PAK5: variants seen among roughly 807,000 people sequenced by gnomAD.
The protein encoded by PAK5 is p21 (RAC1) activated kinase 5, also known as serine/threonine-protein kinase PAK 5.
A neutral mutation model predicts 65.9 loss-of-function variants in PAK5; 16 were observed. The ratio of observed to expected loss-of-function variants is 0.24; its 90% CI spans 0.16 to 0.37. PAK5 has a LOEUF of 0.37. Among genes scored for constraint, PAK5 ranks in the 10% least tolerant of loss-of-function variants. The probability of loss-of-function intolerance (pLI) is 1.00; values close to 1 mark genes in which losing one functional copy is unlikely to be tolerated. For missense variants in PAK5, 785 were observed against 903.9 expected (o/e 0.87, Z 1.69); for synonymous variants, 371 against 354.9 (o/e 1.05, Z -0.51).
intron 1 of PAK5, among the ~76,000 whole-genome samples, chr20:9,786,490 C>T (rs1423385766): frequency 1.3e-5 from 2 of 152,122 alleles, no homozygotes; most frequent in African/African-American, 4.8e-5. Context: ...GCCCTACTCA[C>T]TCTTTTAAGA....
rs148311590 is a variant in PAK5 at position 9,685,209 on chromosome 20, C to T, written c.-12+26077G>A. Among the ~76,000 whole-genome samples the T allele has an allele frequency of 3.9e-4, 59 of 152,254 alleles. No individual in the cohort carries two copies. The East Asian group carries it at 7.1e-3, about 18-fold the overall frequency. On this transcript the variant is annotated intron_variant, in intron 2 of 9. Coordinates refer to ENST00000353224, the MANE Select transcript of PAK5 (RefSeq NM_177990.4). ...CTTATGTCACTTCAATTTTTGCTGA[C>T]TCAGTTTTCTCATCTTACAGTTTTC...
intron 1 of PAK5, among the ~76,000 whole-genome samples, chr20:9,820,009 G>T (rs1314253758): frequency 6.6e-6 from 1 of 152,088 alleles, no homozygotes; most frequent in African/African-American, 2.4e-5. Flanking sequence ...GGAAGAAATG[G>T]CACCAGGATA....
chr20:9,563,113 G>C, intron 5 of PAK5, 89 bp from the exon 6 acceptor site: 1 of 1,141,978 alleles, frequency 8.8e-7, no homozygotes, highest in Non-Finnish European at 1.3e-6. Context: ...TAAGTAAACT[G>C]ATTGAGAGGT....
At chr20:9,664,913 A>C (rs1296893263) in intron 2 of PAK5, among the ~76,000 whole-genome samples, 4 of 151,952 alleles carry the variant, frequency 2.6e-5, no homozygotes, top group African/African-American at 9.7e-5. Flanking sequence ...ATATTTTGGT[A>C]CTACAACTTG....
chr20:9,581,249 T>C lies in PAK5; in HGVS notation c.205-319A>G, dbSNP rs558978806. On this transcript the variant is annotated intron_variant, in intron 3 of 9. Coordinates refer to ENST00000353224, the MANE Select transcript of PAK5 (RefSeq NM_177990.4). ...TTACAGGCAAATCCCTTCCCCCTACTTCTTCTACCTAAATAATAAGCCCTA... is the reference window on the plus strand; with the variant it reads ...TTACAGGCAAATCCCTTCCCCCTACCTCTTCTACCTAAATAATAAGCCCTA... Among the ~76,000 whole-genome samples the C allele has an allele frequency of 3.7e-4, 57 of 152,310 alleles. 2 individuals carry two copies. The South Asian group carries it at 6.6e-3, about 18-fold the overall frequency.
At chr20:9,564,757 G>A (rs2045646507) in intron 5 of PAK5, among the ~76,000 whole-genome samples, 1 of 152,026 alleles carries the variant, frequency 6.6e-6, no homozygotes, top group Non-Finnish European at 1.5e-5. Flanking sequence ...AATAATAAAA[G>A]TGACAAATTG....
chr20:9,758,549 A>C (rs1032033807), intron 1 of PAK5, among the ~76,000 whole-genome samples: 45 of 152,142 alleles, frequency 3.0e-4, no homozygotes, highest in Non-Finnish European at 4.1e-4. Context: ...GCTCGCATAG[A>C]ACAGTGATAG....
intron 3 of PAK5, among the ~76,000 whole-genome samples, chr20:9,581,705 C>A (rs983781998): frequency 6.6e-6 from 1 of 152,044 alleles, no homozygotes; most frequent in Non-Finnish European, 1.5e-5. Flanking sequence ...CTTTAATGAA[C>A]CTAAATAACA....
intron 3 of PAK5, among the ~76,000 whole-genome samples, chr20:9,588,168 G>A (rs926065759): frequency 1.1e-4 from 16 of 152,058 alleles, no homozygotes; most frequent in Admixed American, 2.0e-4. Flanking sequence ...AACAAAATCC[G>A]AACACTACAA....
chr20:9,692,407 T>C (rs1482800641), intron 2 of PAK5, among the ~76,000 whole-genome samples: 3 of 152,198 alleles, frequency 2.0e-5, no homozygotes, highest in African/African-American at 7.2e-5. Flanking sequence ...CGCTGCTGTA[T>C]GCATAGGAGT....
In PAK5 at chr20:9,593,826, T is replaced by TTC. The variant is rs758935621; in HGVS notation, c.205-12898_205-12897dup. ...CAAGGATCTCTCTCTCTCTCTCTCT[T>TTC]TCTCTCTCTCTCTCTCTCTCCCCCT... is the stretch of plus-strand genomic sequence containing the variant. On this transcript the variant is annotated intron_variant, in intron 3 of 9. Transcript: ENST00000353224. Among the ~76,000 whole-genome samples, 1,178 of 148,570 alleles carry TTC rather than the reference T, an allele frequency of 7.9e-3. 9 individuals are homozygous for TTC. The highest frequency in any genetic ancestry group is 0.028 in the Middle Eastern group (8 of 284).
rs55662767 is a variant in PAK5 at position 9,544,486 on chromosome 20, C to T, written c.1752G>A (p.Leu584=). The T allele has an allele frequency of 4.9e-5, 79 of 1,613,730 alleles. No individual in the cohort carries two copies. The East Asian group carries it at 5.6e-4, about 11-fold the overall frequency. The change falls in exon 8 of 10, where the codon TTG becomes TTA. Residue 584 remains leucine (L), a synonymous_variant. Coordinates refer to ENST00000353224, the MANE Select transcript of PAK5 (RefSeq NM_177990.4). ...CTTGAGCACAGAAACCAAAATCAGACAACTTTATCTGAAAAGGAAAGGAAT... is the reference window on the plus strand; with the variant it reads ...CTTGAGCACAGAAACCAAAATCAGATAACTTTATCTGAAAAGGAAAGGAAT... ...ILLTSDGRIK[L]SDFGFCAQVS... is the part of the protein sequence containing the mutation.
chr20:9,656,565 A>G (rs1421324510), intron 2 of PAK5, among the ~76,000 whole-genome samples: 1 of 152,208 alleles, frequency 6.6e-6, no homozygotes, highest in African/African-American at 2.4e-5. Context: ...TTGAGACTTT[A>G]TAGAGTAGAA....
chr20:9,710,628 G>C (rs1039157696), intron 2 of PAK5, among the ~76,000 whole-genome samples: 1 of 152,116 alleles, frequency 6.6e-6, no homozygotes, highest in African/African-American at 2.4e-5. Flanking sequence ...CCCATGTGTG[G>C]GGGGTAGTAG....
intron 1 of PAK5, among the ~76,000 whole-genome samples, chr20:9,800,075 G>A (rs958452361): frequency 3.3e-4 from 50 of 151,380 alleles, no homozygotes; most frequent in Non-Finnish European, 6.6e-4. Context: ...AAGAAGACAA[G>A]TTTTATTACA....
At chr20:9,634,925 A>T (rs2034890553) in intron 3 of PAK5, among the ~76,000 whole-genome samples, 1 of 152,170 alleles carries the variant, frequency 6.6e-6, no homozygotes, top group Admixed American at 6.5e-5. Flanking sequence ...TGGTTTTGCA[A>T]GTATAAAAAT....
intron 2 of PAK5, among the ~76,000 whole-genome samples, chr20:9,709,833 G>A (rs953859503): frequency 6.6e-6 from 1 of 152,170 alleles, no homozygotes; most frequent in Non-Finnish European, 1.5e-5. Context: ...AACAGTAGCT[G>A]TTGGCTTCTT....
intron 4 of PAK5, among the ~76,000 whole-genome samples, chr20:9,574,090 A>G (rs536944215): frequency 4.6e-5 from 7 of 152,292 alleles, no homozygotes; most frequent in African/African-American, 1.4e-4. Context: ...GGAAGGGAAA[A>G]CGACTGCTTG....
chr20:9,730,622 A>C (rs1411592057), intron 1 of PAK5, among the ~76,000 whole-genome samples: 1 of 152,228 alleles, frequency 6.6e-6, no homozygotes, highest in African/African-American at 2.4e-5. Context: ...AGCTCTTGAC[A>C]ACAAACTGGA....
Sources: gnomAD v4.1 joint callset for allele counts (sites outside exome capture counted in the v4.1 genomes callset) on GRCh38, gnomAD v4.1.1 for gene constraint, MANE v1.5 for transcripts, NCBI Gene and HGNC (gene_info 2026-07-23, HGNC 2026-07-21) for gene names.